The following SYBU variants were observed in gnomAD, a reference collection of about 807,000 sequenced individuals.
The protein encoded by SYBU is GOLSYN A protein.
Under a neutral mutation model 35.9 loss-of-function variants are expected in SYBU, and 21 were observed. The ratio of observed to expected loss-of-function variants is 0.58; its 90% confidence interval spans 0.41 to 0.84. The LOEUF (loss-of-function observed/expected upper bound fraction) is 0.84. SYBU is among the 40% of genes least tolerant of loss of function. The pLI is 0.00. For synonymous variants in SYBU, 319 were observed against 324.3 expected (o/e 0.98, Z 0.18); for missense variants, 768 against 848.2 (o/e 0.91, Z 1.17).
upstream of SYBU, chr8:109,645,626 G>GTTTTTTTTTTTTTTT (rs201121007): frequency 3.4e-4 from 83 of 244,812 alleles, 4 homozygotes; most frequent in African/African-American, 2.2e-3. Flanking sequence ...TTGTTGTTTC[G>GTTTTTTTTTTTTTTT]TTTTTTGTTT....
intron 2 of SYBU, among the ~76,000 whole-genome samples, chr8:109,631,750 A>G (rs992101942): frequency 1.3e-5 from 2 of 152,174 alleles, no homozygotes; most frequent in Non-Finnish European, 2.9e-5. Flanking sequence ...CTGACAGAAG[A>G]AAGGTGAGCC....
upstream of SYBU, chr8:109,645,146 G>A (rs1463451320): frequency 8.7e-6 from 4 of 459,216 alleles, no homozygotes; most frequent in African/African-American, 6.0e-5. Context: ...TGGATGGAGT[G>A]ACTGAGAAAA....
intron 5 of SYBU, 50 bp from the exon 6 acceptor site, chr8:109,578,067 A>G (rs920215690): frequency 1.3e-5 from 21 of 1,572,528 alleles, no homozygotes; most frequent in African/African-American, 8.1e-5. Flanking sequence ...TTCCTTTTCT[A>G]TAAAAAGAAG....
At chr8:109,653,717 ATGT>A (rs1457118175) in intron 1 of SYBU, among the ~76,000 whole-genome samples, 1 of 152,096 alleles carries the variant, frequency 6.6e-6, no homozygotes, top group African/African-American at 2.4e-5. Context: ...CCCTGCCCTC[ATGT>A]TGTACAGATG....
In SYBU at chr8:109,577,774, T is replaced by C. The variant is rs192351034; in HGVS notation, c.884+94A>G. 92 of 1,346,668 alleles carry C rather than the reference T, an allele frequency of 6.8e-5. No individual in the cohort carries two copies. In the African/African-American group the frequency reaches 7.5e-4, roughly 11 times the overall value. The allele number at this position is 1,346,668 out of a possible 1,614,324, so 83.4% of individuals were successfully genotyped here. On this transcript the variant is annotated intron_variant, in intron 6 of 6. Transcript: ENST00000276646. ...TGACCAAAATTGAATACAATCATTTTTTCTTTTCTATCTTTCTATAGTTTG... is the reference window on the plus strand; with the variant it reads ...TGACCAAAATTGAATACAATCATTTCTTCTTTTCTATCTTTCTATAGTTTG...
At chr8:109,662,838 A>C (rs1816613619) in intron 1 of SYBU, among the ~76,000 whole-genome samples, 1 of 152,160 alleles carries the variant, frequency 6.6e-6, no homozygotes, top group African/African-American at 2.4e-5. Context: ...TTTATTTTCA[A>C]ATTATATGTT....
rs779789592 is a variant in SYBU, at chr8:109,619,860, TAC to T, written c.230-823_230-822del. On this transcript the variant is annotated intron_variant, in intron 2 of 6. Transcript: ENST00000276646. The stretch of plus-strand genomic sequence containing the variant: ...AGTGTGAAGTGATCCTGTTTTATCA[TAC>T]ACACACAACCAAAAATACATAAATC... 3.3e-5 allele frequency among the ~76,000 whole-genome samples: 5 copies of T among 152,346 alleles called. No homozygotes were observed. The East Asian group carries it at 5.8e-4, about 18-fold the overall frequency.
intron 1 of SYBU, among the ~76,000 whole-genome samples, chr8:109,669,792 A>G (rs1399406247): frequency 3.3e-5 from 5 of 152,190 alleles, no homozygotes; most frequent in African/African-American, 4.8e-5. Flanking sequence ...CTTGATTACA[A>G]TTGTCTTTGT....
rs1563665162 is a variant in SYBU, at chr8:109,575,016, T to A, written c.1882A>T (p.Thr628Ser). The A allele has an allele frequency of 1.3e-6, 2 of 1,597,054 alleles. No individual in the cohort carries two copies. Among genetic ancestry groups the A allele is most frequent in the Non-Finnish European group, 8.5e-7 (1 of 1,170,270 alleles). ...ACAGGATCCGTTCCCCCTCTCTGAG[T>A]ACTGAATGCCCACAGAACCGTGGGG... is the stretch of plus-strand genomic sequence containing the variant. ...VVPTVLWAFS[T>S]QRGGTDPVYN... The change falls in exon 7 of 7, where the codon ACT becomes TCT. Residue 628 changes from threonine to serine, a missense_variant. By Grantham distance (58) the Thr-to-Ser change is moderately conservative (BLOSUM62 1). Transcript: ENST00000276646.
chr8:109,639,337 C>CT (rs1814593029), intron 2 of SYBU, among the ~76,000 whole-genome samples: 1 of 151,994 alleles, frequency 6.6e-6, no homozygotes, highest in Admixed American at 6.5e-5. Flanking sequence ...ATTACATTAT[C>CT]TTTTTTAAAA....
chr8:109,636,930 C>A (rs892350000), intron 2 of SYBU, among the ~76,000 whole-genome samples: 13 of 152,186 alleles, frequency 8.5e-5, no homozygotes, highest in African/African-American at 2.9e-4. Context: ...GTGGAGGCAT[C>A]ATTCCACATC....
chr8:109,608,436 T>G (rs76840890), intron 3 of SYBU, among the ~76,000 whole-genome samples: 2,214 of 152,242 alleles, frequency 0.015, 40 homozygotes, highest in African/African-American at 0.05. Flanking sequence ...TGAGAAAAAT[T>G]CTTGGTGTAC....
chr8:109,615,927 C>A (rs1420854893), intron 3 of SYBU, among the ~76,000 whole-genome samples: 1 of 150,912 alleles, frequency 6.6e-6, no homozygotes, highest in Non-Finnish European at 1.5e-5. Flanking sequence ...TTAAGAAAAA[C>A]TGTTTTTGTT....
chr8:109,646,856 A>G (rs1815749509), upstream of SYBU: 1 of 152,166 alleles, frequency 6.6e-6, no homozygotes, highest in African/African-American at 2.4e-5. Context: ...TATGCCACCC[A>G]AGTAATAACG....
chr8:109,682,386 G>A (rs1186850416), upstream of SYBU, among the ~76,000 whole-genome samples: 4 of 152,172 alleles, frequency 2.6e-5, no homozygotes, highest in Admixed American at 6.5e-5. Context: ...TTAAGTGCAG[G>A]CTGAGGTGGT....
chr8:109,674,444 A>T (rs953414223), intron 1 of SYBU, among the ~76,000 whole-genome samples: 3 of 152,182 alleles, frequency 2.0e-5, no homozygotes, highest in African/African-American at 7.2e-5. Context: ...TAAGCTTCAT[A>T]AGCAAAGGAG....
intron 2 of SYBU, among the ~76,000 whole-genome samples, chr8:109,621,503 T>A (rs967289234): frequency 6.6e-6 from 1 of 152,184 alleles, no homozygotes; most frequent in East Asian, 1.9e-4. Flanking sequence ...AAAAGATCTC[T>A]TAACTCTCTA....
intron 4 of SYBU, among the ~76,000 whole-genome samples, chr8:109,583,817 T>C (rs952582209): frequency 1.2e-4 from 19 of 152,142 alleles, no homozygotes; most frequent in African/African-American, 4.6e-4. Context: ...TATTTATTTA[T>C]TTACTTATTT....
chr8:109,612,151 C>T (rs1332267917), intron 3 of SYBU, among the ~76,000 whole-genome samples: 2 of 152,110 alleles, frequency 1.3e-5, no homozygotes, highest in Non-Finnish European at 2.9e-5. Flanking sequence ...CCTCCTTGTA[C>T]CCCAGTTTTC....
Sources: allele counts gnomAD v4.1 joint callset (sites outside exome capture counted in the v4.1 genomes callset), GRCh38; gene constraint gnomAD v4.1.1; transcripts MANE v1.5; gene names NCBI Gene and HGNC (gene_info 2026-07-23, HGNC 2026-07-21).